Variants in NFASC observed in about 807,000 individuals in gnomAD.
The protein encoded by NFASC is neurofascin.
Under a neutral mutation model 147.5 loss-of-function variants are expected in NFASC, and 43 were observed. The observed-to-expected ratio is 0.29, with a 90% CI of 0.23 to 0.38. NFASC has a LOEUF of 0.38. Ranked by LOEUF, NFASC falls within the 10% of genes least tolerant of loss-of-function variation. The pLI, the probability that NFASC is intolerant of heterozygous loss-of-function variation, is 1.00. For synonymous variants in NFASC, 622 were observed against 665.5 expected, an observed-to-expected ratio of 0.93 and a Z score of 1.01; for missense variants, 1,320 against 1,689.0, an observed-to-expected ratio of 0.78 and a Z score of 3.83.
chr1:204,962,600 G>T (rs2094732083), intron 8 of NFASC, among the ~76,000 whole-genome samples: 1 of 152,190 alleles, frequency 6.6e-6, no homozygotes, highest in Non-Finnish European at 1.5e-5. Flanking sequence ...GTTAACTCTA[G>T]ATAGGAATTG....
intron 1 of NFASC, among the ~76,000 whole-genome samples, chr1:204,869,411 CA>C (rs2077400150): frequency 2.0e-5 from 3 of 152,212 alleles, no homozygotes; most frequent in Admixed American, 2.0e-4. Context: ...TCCATAATTT[CA>C]CTGCTCAAAG....
chr1:205,013,229 T>C (rs1423133160), intron 29 of NFASC, among the ~76,000 whole-genome samples: 2 of 152,212 alleles, frequency 1.3e-5, no homozygotes, highest in African/African-American at 4.8e-5. Context: ...CAGGACCCTC[T>C]TGCCGTGAGA....
At chr1:204,875,553 A>G (rs1243933418) in intron 1 of NFASC, among the ~76,000 whole-genome samples, 1 of 152,232 alleles carries the variant, frequency 6.6e-6, no homozygotes, top group Non-Finnish European at 1.5e-5. Context: ...AGGAGGGAAC[A>G]TTCTGCAAAG....
At chr1:204,866,179 C>T (rs1190298869) in intron 1 of NFASC, among the ~76,000 whole-genome samples, 4 of 152,110 alleles carry the variant, frequency 2.6e-5, no homozygotes, top group South Asian at 2.1e-4. Flanking sequence ...AGCTCAGGTC[C>T]GGAGGCTGGA....
chr1:204,870,484 A>C, intron 1 of NFASC: 1 of 175,538 alleles, frequency 5.7e-6, no homozygotes, highest in East Asian at 1.8e-4. Flanking sequence ...CCCCCGCCAC[A>C]CTGTGCTCCC....
intron 10 of NFASC, among the ~76,000 whole-genome samples, chr1:204,970,403 G>C (rs141800633): frequency 6.6e-6 from 1 of 152,316 alleles, no homozygotes; most frequent in African/African-American, 2.4e-5. Flanking sequence ...ATTGTTCTGT[G>C]AACTCAAAAT....
At chr1:204,832,358 G>C (rs1672455612) in intron 1 of NFASC, among the ~76,000 whole-genome samples, 1 of 152,174 alleles carries the variant, frequency 6.6e-6, no homozygotes, top group Non-Finnish European at 1.5e-5. Flanking sequence ...GTGTAGGCAA[G>C]ATGCACAGGG....
In NFASC at chr1:204,893,596, G is replaced by A. The variant is rs137952673; in HGVS notation, c.-199-27036G>A. Among the ~76,000 whole-genome samples, 123 of 152,326 alleles carry A rather than the reference G, an allele frequency of 8.1e-4. 2 individuals carry two copies. The highest frequency in any genetic ancestry group is 5.2e-3 in the South Asian group (25 of 4,828). On this transcript the variant is annotated intron_variant, in intron 1 of 29. Transcript: ENST00000339876. ...AGGAAGCAAGATTCCATGGTGAGCC[G>A]TGTGTTCTTCATCTTTTTGTTCCCC...
Position 204,964,731 on chromosome 1 carries a change from C to T in NFASC, c.707-3518C>T, listed in dbSNP as rs147178990. On this transcript the variant is annotated intron_variant, in intron 8 of 29. Coordinates refer to ENST00000339876, the MANE Select transcript of NFASC (RefSeq NM_001005388.3). ...GTCTCTGGTTCTCAGTTCTGAGAAT[C>T]GAAAGCAGCAAAGTGGTCTGGATGA... is the stretch of plus-strand genomic sequence containing the variant. Among the ~76,000 whole-genome samples the T allele has an allele frequency of 5.3e-3, 813 of 152,214 alleles. 32 individuals are homozygous for T. The highest frequency in any genetic ancestry group is 0.049 in the Admixed American group (747 of 15,284).
At chr1:204,871,167 A>G (rs2077617127) in intron 1 of NFASC, 1 of 1,132,846 alleles carries the variant, frequency 8.8e-7, no homozygotes, top group South Asian at 1.3e-5. Context: ...GTGTGCTAGG[A>G]TTGTGCATAC....
intron 3 of NFASC, chr1:204,944,682 C>T (rs1168315129): frequency 4.8e-6 from 2 of 416,914 alleles, no homozygotes; most frequent in Admixed American, 4.3e-5. Context: ...CTAGAGGTGG[C>T]GGAGTTTGGG....
chr1:204,923,879 C>T (rs1010032121), intron 2 of NFASC, among the ~76,000 whole-genome samples: 1 of 152,216 alleles, frequency 6.6e-6, no homozygotes, highest in Non-Finnish European at 1.5e-5. Flanking sequence ...GCAATCATGT[C>T]TAGACCCCTC....
At chr1:204,885,850 T>C (rs972462564) in intron 1 of NFASC, among the ~76,000 whole-genome samples, 2 of 152,236 alleles carry the variant, frequency 1.3e-5, no homozygotes, top group Non-Finnish European at 2.9e-5. Context: ...TGAGTTCTTG[T>C]TCCCCAAGAA....
At chr1:204,914,708 A>G (rs1473802772) in intron 1 of NFASC, among the ~76,000 whole-genome samples, 2 of 152,236 alleles carry the variant, frequency 1.3e-5, no homozygotes, top group African/African-American at 4.8e-5. Context: ...TGGAGAAGGA[A>G]TGGGAAACAG....
At chr1:204,967,333 A>C (rs933908415) in intron 8 of NFASC, among the ~76,000 whole-genome samples, 1 of 152,068 alleles carries the variant, frequency 6.6e-6, no homozygotes, top group Non-Finnish European at 1.5e-5. Flanking sequence ...CTATACAAAG[A>C]GCTCTGGGGG....
intron 2 of NFASC, among the ~76,000 whole-genome samples, chr1:204,943,430 T>C (rs889845440): frequency 9.2e-5 from 14 of 152,160 alleles, no homozygotes; most frequent in African/African-American, 3.1e-4. Flanking sequence ...CACTGAATCA[T>C]CATACATGCT....
At chr1:204,870,705 G>A (rs1348229427) in intron 1 of NFASC, 17 of 1,096,990 alleles carry the variant, frequency 1.5e-5, no homozygotes, top group Non-Finnish European at 1.7e-5. Context: ...GGAGGGGTGA[G>A]TGGTTATTAA....
chr1:204,921,001 G>T (rs189585742), intron 2 of NFASC, among the ~76,000 whole-genome samples: 1 of 152,160 alleles, frequency 6.6e-6, no homozygotes. Context: ...CAACATTAGC[G>T]CTGGCATTGT....
intron 8 of NFASC, among the ~76,000 whole-genome samples, chr1:204,960,480 A>AC (rs2094609979): frequency 6.6e-6 from 1 of 152,172 alleles, no homozygotes; most frequent in Non-Finnish European, 1.5e-5. Flanking sequence ...ACCAGGGCAC[A>AC]CCCCTTCTTC....
Sources: gnomAD v4.1 joint callset for allele counts (sites outside exome capture counted in the v4.1 genomes callset) on GRCh38, gnomAD v4.1.1 for gene constraint, MANE v1.5 for transcripts, NCBI Gene and HGNC (gene_info 2026-07-23, HGNC 2026-07-21) for gene names.